The following FCGRT variants were observed in gnomAD, a reference collection of about 807,000 sequenced individuals.
The protein encoded by FCGRT is Fc gamma receptor and transporter, also known as IgG receptor FcRn large subunit p51.
Under a neutral mutation model 35.7 loss-of-function variants are expected in FCGRT, and 13 were observed. That is an observed-to-expected ratio of 0.36 (90% CI 0.24 to 0.58). FCGRT has a LOEUF of 0.58. Among genes scored for constraint, FCGRT ranks in the 20% least tolerant of loss-of-function variants. The pLI is 0.77. For synonymous variants in FCGRT, 233 were observed against 216.5 expected, an observed-to-expected ratio of 1.08 and a Z score of -0.67; for missense variants, 455 against 474.9, an observed-to-expected ratio of 0.96 and a Z score of 0.39.
At chr19:49,525,356 A>G in intron 5 of FCGRT, 101 bp from the exon 6 acceptor site, 2 of 876,192 alleles carry the variant, frequency 2.3e-6, no homozygotes. Context: ...TTGGTGCTGG[A>G]ATCTCCGAGG....
chr19:49,519,930 A>C (rs1464208264), intron 4 of FCGRT, among the ~76,000 whole-genome samples: 3 of 147,080 alleles, frequency 2.0e-5, no homozygotes, highest in Non-Finnish European at 3.0e-5. Flanking sequence ...TCCCAGGTTC[A>C]AGCGATTCTG....
intron 4 of FCGRT, among the ~76,000 whole-genome samples, chr19:49,518,988 G>A (rs376450141): frequency 8.6e-5 from 13 of 151,534 alleles, no homozygotes; most frequent in East Asian, 3.9e-4. Context: ...GACTACAGGC[G>A]CCCACCACCA....
At chr19:49,524,013 C>CTTTTTTTTT (rs200152928) in intron 4 of FCGRT, among the ~76,000 whole-genome samples, 2 of 144,704 alleles carry the variant, frequency 1.4e-5, no homozygotes, top group Non-Finnish European at 1.5e-5. Flanking sequence ...TATCCTCTAT[C>CTTTTTTTTT]TTTTTTTTTT....
At chr19:49,525,243 C>G (rs577262153) in intron 5 of FCGRT, 20 of 555,408 alleles carry the variant, frequency 3.6e-5, no homozygotes, top group African/African-American at 3.2e-4. Context: ...TGATCCATTG[C>G]CGGTGTGACC....
At chr19:49,521,502 G>A (rs1665745027) in intron 4 of FCGRT, among the ~76,000 whole-genome samples, 1 of 151,316 alleles carries the variant, frequency 6.6e-6, no homozygotes, top group South Asian at 2.1e-4. Context: ...CCCAGGAGGC[G>A]GAGGTTGCAG....
At chr19:49,525,640 C>A in intron 6 of FCGRT, 67 bp downstream of exon 6, 4 of 1,119,484 alleles carry the variant, frequency 3.6e-6, no homozygotes, top group East Asian at 2.4e-5. Context: ...GGCACACAGA[C>A]CTGGGAGGAC....
At chr19:49,525,321 G>C in intron 5 of FCGRT, 136 bp from the exon 6 acceptor site, 1 of 742,168 alleles carries the variant, frequency 1.3e-6, no homozygotes, top group Middle Eastern at 3.4e-4. Flanking sequence ...TCGCCTGCCT[G>C]GCCTCGCCTC....
chr19:49,513,950 T>C lies in FCGRT; in HGVS notation c.142T>C (p.Trp48Arg). Residue 48 changes from tryptophan (W) to arginine (R), a missense_variant, in exon 3 of 7, where the codon TGG becomes CGG. This residue lies in a region of FCGRT where 136 missense variants were observed against 158.9 expected (regional missense o/e 0.86). Coordinates refer to ENST00000221466, the MANE Select transcript of FCGRT (RefSeq NM_001136019.3). ...SSPAPGTPAFWVSGWLGPQQY... is the reference protein window; with the variant it reads ...SSPAPGTPAFRVSGWLGPQQY... ...GCCTGCCCCGGGGACTCCTGCCTTC[T>C]GGGTGTCCGGCTGGCTGGGCCCGCA... is the stretch of plus-strand genomic sequence containing the variant. 1 of 1,613,972 alleles carries C rather than the reference T, an allele frequency of 6.2e-7. No individual in the cohort carries two copies. Among genetic ancestry groups the C allele is most frequent in the Non-Finnish European group, 8.5e-7 (1 of 1,179,956 alleles).
Position 49,526,258 on chromosome 19 carries a change from G to A in FCGRT, c.*139G>A. 1.6e-6 allele frequency: 1 copy of A among 635,476 alleles called. No individual in the cohort carries two copies. Among genetic ancestry groups the A allele is most frequent in the Non-Finnish European group, 2.8e-6 (1 of 357,470 alleles). 39.4% of individuals were successfully genotyped at this position (635,476 alleles called of 1,614,324 possible). Reference sequence around the variant, plus strand: ...TCCTCCCTCTGGAGCCCCGTCCTGTGGTCTGCCTCAGTTTCCCCTCCTAAT... The same window carrying A: ...TCCTCCCTCTGGAGCCCCGTCCTGTAGTCTGCCTCAGTTTCCCCTCCTAAT... On this transcript the variant is annotated 3_prime_UTR_variant, in exon 7 of 7. Transcript: ENST00000221466.
In FCGRT at chr19:49,514,115, A is replaced by C. The variant is rs776778260; in HGVS notation, c.307A>C (p.Lys103Gln). The C allele has an allele frequency of 6.2e-7, 1 of 1,612,872 alleles. No homozygotes were observed. The highest frequency in any genetic ancestry group is 8.5e-7 in the Non-Finnish European group (1 of 1,179,936). ...IKEKLFLEAFKALGGKGPYTL... is the reference protein window; with the variant it reads ...IKEKLFLEAFQALGGKGPYTL... The stretch of plus-strand genomic sequence containing the variant: ...GGAGAAGCTCTTTCTGGAAGCTTTC[A>C]AAGCTTTGGGGGGAAAAGGTGAGAT... The change falls in exon 3 of 7, where the codon AAA becomes CAA. Residue 103 changes from lysine (K) to glutamine (Q), a missense_variant. This residue lies in a region of FCGRT where 136 missense variants were observed against 158.9 expected (regional missense o/e 0.86). Coordinates refer to ENST00000221466, the MANE Select transcript of FCGRT (RefSeq NM_001136019.3).
chr19:49,518,029 T>C (rs2080018717), intron 4 of FCGRT, among the ~76,000 whole-genome samples: 1 of 152,166 alleles, frequency 6.6e-6, no homozygotes, highest in Non-Finnish European at 1.5e-5. Context: ...TTTCACTATG[T>C]TGGCCAGGCT....
chr19:49,524,983 C>A (rs1432325204), intron 5 of FCGRT: 1 of 692,802 alleles, frequency 1.4e-6, no homozygotes, highest in Admixed American at 2.0e-5. Context: ...CTGCTTCTGG[C>A]CTCACTGAGT....
chr19:49,526,156 C>A lies in FCGRT; in HGVS notation c.*37C>A. 2 of 1,377,950 alleles carry A rather than the reference C, an allele frequency of 1.5e-6. No homozygotes were observed. The highest frequency in any genetic ancestry group is 2.1e-6 in the Non-Finnish European group (2 of 965,496). The allele number at this position is 1,377,950 out of a possible 1,614,324, so 85.4% of individuals were successfully genotyped here. ...TCCGACTGCTAAAAGCGAATGTAGT[C>A]AGGCCCCTTTCATGCTGTGAGACCT... is the stretch of plus-strand genomic sequence containing the variant. On this transcript the variant is annotated 3_prime_UTR_variant, in exon 7 of 7. Coordinates refer to ENST00000221466, the MANE Select transcript of FCGRT (RefSeq NM_001136019.3).
At chr19:49,522,417 A>T (rs1009699930) in intron 4 of FCGRT, among the ~76,000 whole-genome samples, 4 of 149,700 alleles carry the variant, frequency 2.7e-5, no homozygotes, top group African/African-American at 9.8e-5. Context: ...ATCTTTTTTT[A>T]AATTTTTTAA....
intron 4 of FCGRT, among the ~76,000 whole-genome samples, chr19:49,519,253 A>C (rs1241874301): frequency 1.3e-5 from 2 of 151,524 alleles, no homozygotes; most frequent in Non-Finnish European, 2.9e-5. Flanking sequence ...TTTAACTTTG[A>C]TGAAATCCAG....
chr19:49,523,903 T>C (rs1279077789), intron 4 of FCGRT, among the ~76,000 whole-genome samples: 1 of 152,072 alleles, frequency 6.6e-6, no homozygotes, highest in Non-Finnish European at 1.5e-5. Flanking sequence ...CTACAGACGT[T>C]TTAAATTTCC....
At chr19:49,524,807 G>A (rs1183979278) in intron 5 of FCGRT, 31 bp downstream of exon 5, 2 of 1,588,686 alleles carry the variant, frequency 1.3e-6, no homozygotes, top group Non-Finnish European at 1.7e-6. Context: ...GATGCTCCTG[G>A]TTTCCCGTTG....
intron 4 of FCGRT, chr19:49,516,143 G>A (rs758307856): frequency 1.3e-4 from 58 of 453,750 alleles, no homozygotes; most frequent in South Asian, 8.9e-4. Context: ...TACCAGCTGG[G>A]GATGTGCACA....
At chr19:49,514,605 C>T (rs764748082) in intron 4 of FCGRT, 119 bp downstream of exon 4, 3 of 992,494 alleles carry the variant, frequency 3.0e-6, no homozygotes, top group Non-Finnish European at 4.3e-6. Flanking sequence ...TCTGCCCCCC[C>T]ATTCCTCAGG....
Sources: gnomAD v4.1 joint callset for allele counts (sites outside exome capture counted in the v4.1 genomes callset) on GRCh38, gnomAD v4.1.1 for gene constraint, gnomAD v4.1.1 regional missense constraint, MANE v1.5 for transcripts, NCBI Gene and HGNC (gene_info 2026-07-23, HGNC 2026-07-21) for gene names.